CDH13: variants seen among roughly 807,000 people sequenced by gnomAD.
CDH13 encodes cadherin 13, also known as cadherin-13.
A neutral mutation model predicts 63.8 loss-of-function variants in CDH13; 24 were observed. The observed-to-expected ratio is 0.38, with a 90% CI of 0.27 to 0.53. The LOEUF (loss-of-function observed/expected upper bound fraction) is 0.53. Ranked by LOEUF, CDH13 falls within the 20% of genes least tolerant of loss-of-function variation. The pLI, the probability that CDH13 is intolerant of heterozygous loss-of-function variation, is 0.85. For missense variants in CDH13, 1,049 were observed against 903.1 expected (o/e 1.16, Z -2.07); for synonymous variants, 503 against 355.3 (o/e 1.42, Z -4.67).
intron 6 of CDH13, among the ~76,000 whole-genome samples, chr16:83,388,841 A>G (rs2091729958): frequency 6.6e-6 from 1 of 152,188 alleles, no homozygotes; most frequent in South Asian, 2.1e-4. Flanking sequence ...TTCAGAATCT[A>G]AAGCTCAGCC....
chr16:83,435,314 G>C, intron 6 of CDH13, among the ~76,000 whole-genome samples: 1 of 152,136 alleles, frequency 6.6e-6, no homozygotes, highest in Non-Finnish European at 1.5e-5. Context: ...AAAGGGCTGG[G>C]ATTACAAGAG....
chr16:83,675,097 C>T (rs1256932925), intron 9 of CDH13, among the ~76,000 whole-genome samples: 11 of 152,196 alleles, frequency 7.2e-5, no homozygotes, highest in Admixed American at 5.9e-4. Context: ...ATTGAATTGC[C>T]TCTCTGTAGC....
chr16:83,790,869 A>G (rs1332367439), intron 13 of CDH13, among the ~76,000 whole-genome samples: 3 of 152,238 alleles, frequency 2.0e-5, no homozygotes, highest in African/African-American at 7.2e-5. Context: ...ACTTGTCGGG[A>G]AACCATTTCT....
At chr16:83,787,351 C>G (rs1233298476) in intron 13 of CDH13, among the ~76,000 whole-genome samples, 1 of 152,122 alleles carries the variant, frequency 6.6e-6, no homozygotes, top group Non-Finnish European at 1.5e-5. Flanking sequence ...CCTTTAAAAA[C>G]GTGAAAACCC....
chr16:83,097,856 A>C (rs1393612698), intron 3 of CDH13, among the ~76,000 whole-genome samples: 1 of 152,246 alleles, frequency 6.6e-6, no homozygotes, highest in Non-Finnish European at 1.5e-5. Flanking sequence ...AGAGTAGACC[A>C]CATTCCACAA....
At chr16:83,633,204 T>A (rs549492801) in intron 8 of CDH13, among the ~76,000 whole-genome samples, 1 of 151,936 alleles carries the variant, frequency 6.6e-6, no homozygotes, top group East Asian at 1.9e-4. Context: ...CTCCTGACAA[T>A]GCAACCCAGT....
intron 2 of CDH13, among the ~76,000 whole-genome samples, chr16:82,967,168 A>G (rs1321386020): frequency 6.6e-6 from 1 of 152,138 alleles, no homozygotes. Context: ...AGAAAGTACA[A>G]GCAAGGAACT....
At chr16:83,608,815 G>A (rs542402267) in intron 8 of CDH13, among the ~76,000 whole-genome samples, 4 of 151,922 alleles carry the variant, frequency 2.6e-5, no homozygotes, top group East Asian at 3.9e-4. Context: ...GCCAGTATTC[G>A]CATTTTTAAT....
At chr16:83,118,904 C>A (rs1374846626) in intron 3 of CDH13, among the ~76,000 whole-genome samples, 1 of 152,196 alleles carries the variant, frequency 6.6e-6, no homozygotes, top group Non-Finnish European at 1.5e-5. Flanking sequence ...TCTTTCTTCA[C>A]CACTGTGCTT....
At chr16:82,789,894 C>G (rs7197853) in intron 1 of CDH13, among the ~76,000 whole-genome samples, 105,319 of 151,932 alleles carry the variant, frequency 0.69, 36,608 homozygotes, top group Admixed American at 0.73. Context: ...CACGCTCCTG[C>G]GGAGGAAGAA....
chr16:82,821,292 G>A (rs921498628), intron 1 of CDH13, among the ~76,000 whole-genome samples: 2 of 140,344 alleles, frequency 1.4e-5, no homozygotes, highest in South Asian at 4.2e-4. Flanking sequence ...AGGCAAATGA[G>A]TAAGTGTTCT....
At chr16:83,328,159 A>T (rs999680469) in intron 5 of CDH13, among the ~76,000 whole-genome samples, 23 of 151,494 alleles carry the variant, frequency 1.5e-4, no homozygotes, top group Non-Finnish European at 2.7e-4. Context: ...AAAAATTGAG[A>T]CCTCTTTTGT....
At chr16:83,345,646 C>T (rs2090823770) in intron 6 of CDH13, among the ~76,000 whole-genome samples, 3 of 152,112 alleles carry the variant, frequency 2.0e-5, no homozygotes, top group African/African-American at 4.8e-5. Flanking sequence ...TTAGAGCTTC[C>T]TTTTTTGCCC....
intron 8 of CDH13, among the ~76,000 whole-genome samples, chr16:83,615,351 C>G (rs1287969098): frequency 6.6e-6 from 1 of 152,108 alleles, no homozygotes; most frequent in Non-Finnish European, 1.5e-5. Flanking sequence ...GAAGATGGAA[C>G]ACATTTCAAT....
chr16:83,038,427 G>A (rs1299486328), intron 3 of CDH13, among the ~76,000 whole-genome samples: 1 of 152,212 alleles, frequency 6.6e-6, no homozygotes, highest in Non-Finnish European at 1.5e-5. Context: ...GTAGGCAGAA[G>A]AGCAGTTTAA....
chr16:82,890,595 A>G (rs1382875412), intron 2 of CDH13, among the ~76,000 whole-genome samples: 4 of 151,042 alleles, frequency 2.6e-5, no homozygotes, highest in African/African-American at 4.9e-5. Flanking sequence ...CATTTGTAAC[A>G]TTTGTTGTCC....
intron 3 of CDH13, among the ~76,000 whole-genome samples, chr16:83,077,291 G>A (rs1460070469): frequency 4.4e-5 from 6 of 135,538 alleles, no homozygotes; most frequent in Admixed American, 3.4e-4. Context: ...TCCTGAGTTC[G>A]AGCGATTCTT....
chr16:83,464,861 T>C (rs78980513), intron 6 of CDH13, among the ~76,000 whole-genome samples: 3,089 of 152,310 alleles, frequency 0.02, 110 homozygotes, highest in African/African-American at 0.069. Flanking sequence ...CAGGTGGGTC[T>C]TGAACGCCTG....
chr16:82,999,899 C>G (rs191352981), intron 2 of CDH13, among the ~76,000 whole-genome samples: 1 of 152,092 alleles, frequency 6.6e-6, no homozygotes, highest in South Asian at 2.1e-4. Context: ...CAATTTCACC[C>G]CCTGAGGGCA....
Sources: allele counts gnomAD v4.1 joint callset (sites outside exome capture counted in the v4.1 genomes callset), GRCh38; gene constraint gnomAD v4.1.1; transcripts MANE v1.5; gene names NCBI Gene and HGNC (gene_info 2026-07-23, HGNC 2026-07-21).